CGGBP1: variants seen among roughly 807,000 people sequenced by gnomAD.
CGGBP1 encodes CGG triplet repeat binding protein 1.
A neutral mutation model predicts 11.4 loss-of-function variants in CGGBP1; 4 were observed. The observed-to-expected ratio is 0.35, with a 90% CI of 0.17 to 0.80. The LOEUF (loss-of-function observed/expected upper bound fraction) is 0.80. CGGBP1 is among the 30% of genes least tolerant of loss of function. The probability of loss-of-function intolerance (pLI) is 0.52; values close to 1 mark genes in which losing one functional copy is unlikely to be tolerated. For synonymous variants in CGGBP1, 76 were observed against 74.1 expected (o/e 1.03, Z -0.13); for missense variants, 135 against 202.1 (o/e 0.67, Z 2.01).
chr3:88,145,412 G>A (rs1290105258), intron 1 of CGGBP1, among the ~76,000 whole-genome samples: 1 of 152,074 alleles, frequency 6.6e-6, no homozygotes, highest in Non-Finnish European at 1.5e-5. Flanking sequence ...TTCTAGAGCT[G>A]AGATCTAAAA....
intron 2 of CGGBP1, among the ~76,000 whole-genome samples, chr3:88,077,729 C>G (rs1707891105): frequency 6.6e-6 from 1 of 152,096 alleles, no homozygotes; most frequent in Non-Finnish European, 1.5e-5. Context: ...TGCAATTTAA[C>G]AGAATATTTT....
At chr3:88,086,379 A>G (rs1355729557) in intron 2 of CGGBP1, 5 of 1,534,022 alleles carry the variant, frequency 3.3e-6, no homozygotes, top group Non-Finnish European at 4.4e-6. Context: ...AGCATGTACA[A>G]TATGTTTTGA....
intron 1 of CGGBP1, among the ~76,000 whole-genome samples, chr3:88,149,397 G>C: frequency 6.6e-6 from 1 of 152,260 alleles, no homozygotes; most frequent in African/African-American, 2.4e-5. Flanking sequence ...GGCCGAGCCG[G>C]CAACGAGGGA....
intron 2 of CGGBP1, among the ~76,000 whole-genome samples, chr3:88,124,973 T>TAAA (rs1706002610): frequency 1.3e-5 from 2 of 152,160 alleles, no homozygotes; most frequent in Admixed American, 6.5e-5. Context: ...CCCAGCACTT[T>TAAA]GGGAGGCCGA....
chr3:88,084,137 TTG>T (rs1323065070), intron 2 of CGGBP1, among the ~76,000 whole-genome samples: 1 of 152,154 alleles, frequency 6.6e-6, no homozygotes, highest in East Asian at 1.9e-4. Flanking sequence ...AGGACTTTTA[TTG>T]TGTTAGGTTT....
In CGGBP1 at chr3:88,052,464, T is replaced by G. The variant is rs1343722779; in HGVS notation, c.*3009A>C. 2 of 152,596 alleles carry G rather than the reference T, an allele frequency of 1.3e-5. No homozygotes were observed. Among genetic ancestry groups the G allele is most frequent in the African/African-American group, 4.8e-5 (2 of 41,464 alleles). The allele number at this position is 152,596 out of a possible 1,614,324, so 9.5% of individuals were successfully genotyped here. On this transcript the variant is annotated 3_prime_UTR_variant, in exon 4 of 4. Coordinates refer to ENST00000482016, the MANE Select transcript of CGGBP1 (RefSeq NM_001008390.2). ...CACCAAATGATGAACTGTTTGTGGC[T>G]TTTGTTTTGGGCCATCTTAAGTTTT...
At chr3:88,146,244 A>G (rs1349654031) in intron 1 of CGGBP1, among the ~76,000 whole-genome samples, 4 of 152,216 alleles carry the variant, frequency 2.6e-5, no homozygotes, top group Non-Finnish European at 5.9e-5. Flanking sequence ...TAAGGTTTGA[A>G]AATCACAGAA....
In CGGBP1 at chr3:88,140,450, T is replaced by C. The variant is rs1177555676; in HGVS notation, c.-229+520A>G. ...AAGAGTCTACAGAACCAAAGACATG[T>C]ATAGAAAGTATGGAAAAGAAAACAG... On this transcript the variant is annotated intron_variant, in intron 2 of 3. Transcript: ENST00000462901. The C allele has an allele frequency of 1.2e-5, 20 of 1,613,526 alleles. No homozygotes were observed. In the Admixed American group the frequency reaches 3.3e-4, roughly 27 times the overall value.
intron 2 of CGGBP1, among the ~76,000 whole-genome samples, chr3:88,094,044 G>C (rs1477910942): frequency 6.6e-6 from 1 of 151,610 alleles, no homozygotes; most frequent in East Asian, 1.9e-4. Flanking sequence ...TCATTTGAGA[G>C]AAAAATCTAG....
At chr3:88,060,352 A>G (rs1372180814), upstream of CGGBP1, among the ~76,000 whole-genome samples, 1 of 152,174 alleles carries the variant, frequency 6.6e-6, no homozygotes, top group Non-Finnish European at 1.5e-5. Context: ...TTTGTAATCA[A>G]ATATAACAAA....
upstream of CGGBP1, chr3:88,059,099 A>G (rs1706677148): frequency 1.2e-6 from 1 of 822,380 alleles, no homozygotes; most frequent in Non-Finnish European, 1.8e-6. Context: ...CACCAATAGT[A>G]GTGGAAAGGC....
At position 88,081,956 on chromosome 3, in the gene CGGBP1, A is replaced by T. The variant is rs542228071; in HGVS notation, c.-228-23733T>A. On this transcript the variant is annotated intron_variant, in intron 2 of 3. Transcript: ENST00000462901. The stretch of plus-strand genomic sequence containing the variant: ...ACATAAGCATACTGAAGGGGGTAAG[A>T]CTAACCTAATGTGTTTTAAAACATT... 3.3e-5 allele frequency among the ~76,000 whole-genome samples: 5 copies of T among 152,332 alleles called. No individual in the cohort carries two copies. In the East Asian group the frequency reaches 9.6e-4, roughly 29 times the overall value.
chr3:88,088,873 A>G (rs1708486072), intron 2 of CGGBP1, among the ~76,000 whole-genome samples: 1 of 151,856 alleles, frequency 6.6e-6, no homozygotes, highest in African/African-American at 2.4e-5. Flanking sequence ...CCTGGGTTCA[A>G]GCAATTCTCC....
chr3:88,097,065 G>A lies in CGGBP1; in HGVS notation c.-228-38842C>T, dbSNP rs1194639351. On this transcript the variant is annotated intron_variant, in intron 2 of 3. Coordinates refer to the CGGBP1 transcript ENST00000462901. ...GTGTATATCAAAATGTAATTAACCA[G>A]CCCCTTACTAATGGATAGTTCTTGT... is the stretch of plus-strand genomic sequence containing the variant. 3.3e-5 allele frequency among the ~76,000 whole-genome samples: 5 copies of A among 152,124 alleles called. No individual in the cohort carries two copies. In the East Asian group the frequency reaches 5.8e-4, roughly 18 times the overall value.
At chr3:88,126,226 G>A in intron 2 of CGGBP1, 4 of 1,529,656 alleles carry the variant, frequency 2.6e-6, no homozygotes, top group Non-Finnish European at 3.5e-6. Flanking sequence ...AAGATCCAGT[G>A]TTGCAAGCTG....
chr3:88,111,064 A>G (rs1474077349), intron 2 of CGGBP1, among the ~76,000 whole-genome samples: 1 of 152,044 alleles, frequency 6.6e-6, no homozygotes, highest in Non-Finnish European at 1.5e-5. Flanking sequence ...TCTGTGTTTT[A>G]GGAAGATAAT....
chr3:88,111,744 T>G (rs1288670609), intron 2 of CGGBP1, among the ~76,000 whole-genome samples: 1 of 151,966 alleles, frequency 6.6e-6, no homozygotes, highest in Non-Finnish European at 1.5e-5. Flanking sequence ...ATGTGTACAT[T>G]TTAAATTGTG....
intron 2 of CGGBP1, among the ~76,000 whole-genome samples, chr3:88,082,848 T>A (rs1458676458): frequency 2.0e-5 from 3 of 152,192 alleles, no homozygotes; most frequent in Non-Finnish European, 2.9e-5. Flanking sequence ...AGAAATTTAT[T>A]TTCTCACAGT....
intron 2 of CGGBP1, among the ~76,000 whole-genome samples, chr3:88,105,383 A>T (rs56185750): frequency 0.068 from 10,278 of 152,160 alleles, 472 homozygotes; most frequent in Non-Finnish European, 0.1. Flanking sequence ...TGTGAATTCT[A>T]TGAATTTTGT....
Sources: allele counts gnomAD v4.1 joint callset (sites outside exome capture counted in the v4.1 genomes callset), GRCh38; gene constraint gnomAD v4.1.1; transcripts MANE v1.5; gene names NCBI Gene and HGNC (gene_info 2026-07-23, HGNC 2026-07-21).